BMPR1B: variants seen among roughly 807,000 people sequenced by gnomAD.
BMPR1B encodes the protein bone morphogenetic protein receptor type 1B, also known as bone morphogenetic protein receptor type-1B.
In BMPR1B, 12 loss-of-function variants were observed where a neutral mutation model predicts 59.1. The observed-to-expected ratio is 0.20, with a 90% CI of 0.13 to 0.33. The LOEUF (loss-of-function observed/expected upper bound fraction) is 0.33. Among genes scored for constraint, BMPR1B ranks in the 10% least tolerant of loss-of-function variants. The probability of loss-of-function intolerance (pLI) is 1.00; values close to 1 mark genes in which losing one functional copy is unlikely to be tolerated. For synonymous variants in BMPR1B, 237 were observed against 207.3 expected (o/e 1.14, Z -1.23); for missense variants, 550 against 610.9 (o/e 0.90, Z 1.05).
chr4:94,887,037 T>C (rs929821098), intron 2 of BMPR1B, among the ~76,000 whole-genome samples: 1 of 151,768 alleles, frequency 6.6e-6, no homozygotes. Context: ...AGGGAGGGGA[T>C]AAAAGGTAAA....
At chr4:95,137,683 T>C (rs1733903298) in intron 10 of BMPR1B, among the ~76,000 whole-genome samples, 1 of 151,856 alleles carries the variant, frequency 6.6e-6, no homozygotes, top group Non-Finnish European at 1.5e-5. Context: ...TCTCTTTTGA[T>C]CTTTGTTAGT....
chr4:94,823,747 G>GT (rs1560501630), intron 1 of BMPR1B, among the ~76,000 whole-genome samples: 5 of 47,794 alleles, frequency 1.0e-4, no homozygotes, highest in African/African-American at 3.8e-4. Context: ...GTATCCTTTT[G>GT]GTTTTTTTTT....
chr4:95,050,738 T>G (rs1726439827), intron 3 of BMPR1B, among the ~76,000 whole-genome samples: 1 of 152,210 alleles, frequency 6.6e-6, no homozygotes. Flanking sequence ...ACTGATGGGA[T>G]TTAATAATGA....
chr4:95,044,873 GT>G (rs1419124996), intron 3 of BMPR1B, among the ~76,000 whole-genome samples: 11 of 151,572 alleles, frequency 7.3e-5, no homozygotes, highest in Non-Finnish European at 1.0e-4. Context: ...TCTATTGTTA[GT>G]TTTTTTTTCT....
intron 1 of BMPR1B, among the ~76,000 whole-genome samples, chr4:94,853,436 T>C (rs188971260): frequency 1.3e-5 from 2 of 152,318 alleles, no homozygotes; most frequent in South Asian, 2.1e-4. Context: ...TGATCAAAGA[T>C]GCAGGTGGTT....
At chr4:94,986,869 G>A (rs1195601666) in intron 2 of BMPR1B, among the ~76,000 whole-genome samples, 5 of 151,616 alleles carry the variant, frequency 3.3e-5, no homozygotes, top group Admixed American at 6.6e-5. Flanking sequence ...GTGAAACCCC[G>A]TCTCTACTAA....
At chr4:95,009,299 T>C (rs1412230867) in intron 3 of BMPR1B, among the ~76,000 whole-genome samples, 1 of 152,098 alleles carries the variant, frequency 6.6e-6, no homozygotes, top group African/African-American at 2.4e-5. Flanking sequence ...CTTGTATGCC[T>C]CAGGAAATAG....
At chr4:94,943,024 C>T (rs758835206) in intron 2 of BMPR1B, among the ~76,000 whole-genome samples, 7 of 152,222 alleles carry the variant, frequency 4.6e-5, no homozygotes, top group Non-Finnish European at 1.0e-4. Flanking sequence ...TTCCCTTTAA[C>T]TAGAAAATTA....
intron 2 of BMPR1B, among the ~76,000 whole-genome samples, chr4:94,948,547 A>G (rs1327934540): frequency 1.3e-5 from 2 of 152,186 alleles, no homozygotes; most frequent in African/African-American, 2.4e-5. Context: ...AAAAGCAAGG[A>G]AAAAGGAAAA....
chr4:95,021,853 A>G (rs941420065), intron 3 of BMPR1B, among the ~76,000 whole-genome samples: 1 of 152,232 alleles, frequency 6.6e-6, no homozygotes, highest in Non-Finnish European at 1.5e-5. Context: ...GAACTGGTCT[A>G]TTCTCATGTA....
chr4:94,914,771 CA>C (rs1728420228), intron 2 of BMPR1B, among the ~76,000 whole-genome samples: 1 of 152,070 alleles, frequency 6.6e-6, no homozygotes, highest in African/African-American at 2.4e-5. Context: ...GACCGACATA[CA>C]GGTGGTCACT....
intron 1 of BMPR1B, among the ~76,000 whole-genome samples, chr4:94,858,738 C>T (rs560352817): frequency 1.3e-5 from 2 of 152,254 alleles, no homozygotes; most frequent in East Asian, 3.9e-4. Context: ...AGGCTAGTTG[C>T]TGTTGATGGT....
intron 1 of BMPR1B, among the ~76,000 whole-genome samples, chr4:94,785,028 A>C (rs1435428642): frequency 6.6e-6 from 1 of 152,174 alleles, no homozygotes; most frequent in Non-Finnish European, 1.5e-5. Flanking sequence ...TATGCTATGG[A>C]GCAAACACTG....
chr4:94,939,028 T>C (rs1729417471), intron 2 of BMPR1B, among the ~76,000 whole-genome samples: 1 of 151,914 alleles, frequency 6.6e-6, no homozygotes, highest in Admixed American at 6.6e-5. Context: ...AATAAACAAA[T>C]AAAAGAAAAA....
intron 1 of BMPR1B, among the ~76,000 whole-genome samples, chr4:94,783,942 A>G (rs937682749): frequency 2.6e-5 from 4 of 152,112 alleles, no homozygotes; most frequent in African/African-American, 9.7e-5. Flanking sequence ...CCATATCCAC[A>G]GGGAGTGGAG....
chr4:95,125,186 G>A (rs1385368188), intron 8 of BMPR1B, 65 bp downstream of exon 8: 1 of 1,592,818 alleles, frequency 6.3e-7, no homozygotes, highest in African/African-American at 1.3e-5. Flanking sequence ...AATGAATATG[G>A]GGTTTCACTT....
At chr4:94,824,377 T>C (rs1431047604) in intron 1 of BMPR1B, among the ~76,000 whole-genome samples, 1 of 152,222 alleles carries the variant, frequency 6.6e-6, no homozygotes, top group Non-Finnish European at 1.5e-5. Context: ...TTCTTGTCTC[T>C]TCAGTGTCTC....
At chr4:95,068,853 T>C (rs1212212508) in intron 3 of BMPR1B, among the ~76,000 whole-genome samples, 1 of 152,210 alleles carries the variant, frequency 6.6e-6, no homozygotes, top group African/African-American at 2.4e-5. Flanking sequence ...ACCAAAATTA[T>C]GAAGTACCTT....
chr4:95,114,695 C>T, intron 4 of BMPR1B, 25 bp from the exon 5 acceptor site: 1 of 1,574,806 alleles, frequency 6.3e-7, no homozygotes. Flanking sequence ...CATTCTGTTT[C>T]TCACTTTGCT....
Sources: allele counts gnomAD v4.1 joint callset (sites outside exome capture counted in the v4.1 genomes callset), GRCh38; gene constraint gnomAD v4.1.1; transcripts MANE v1.5; gene names NCBI Gene and HGNC (gene_info 2026-07-23, HGNC 2026-07-21).